PPP3CA: variants seen among roughly 807,000 people sequenced by gnomAD.
The protein encoded by PPP3CA is protein phosphatase 3 catalytic subunit alpha, also known as CAM-PRP catalytic subunit.
In PPP3CA, 14 loss-of-function variants were observed where a neutral mutation model predicts 66.5. The observed-to-expected ratio is 0.21, with a 90% CI of 0.14 to 0.33. The LOEUF is 0.33. Among genes scored for constraint, PPP3CA ranks in the 10% least tolerant of loss-of-function variants. PPP3CA has a pLI of 1.00. For missense variants in PPP3CA, 317 were observed against 639.5 expected (o/e 0.50, Z 5.44); for synonymous variants, 232 against 226.2 (o/e 1.03, Z -0.23).
chr4:101,289,774 C>A (rs1727960515), intron 1 of PPP3CA, among the ~76,000 whole-genome samples: 1 of 151,938 alleles, frequency 6.6e-6, no homozygotes, highest in Non-Finnish European at 1.5e-5. Flanking sequence ...CAAATATGAG[C>A]CTATGACTTC....
intron 1 of PPP3CA, among the ~76,000 whole-genome samples, chr4:101,256,307 C>T (rs796615651): frequency 6.6e-6 from 1 of 151,946 alleles, no homozygotes; most frequent in South Asian, 2.1e-4. Context: ...AGGATGTTGT[C>T]TTTTGGGTTA....
chr4:101,079,722 G>A (rs181035848), intron 8 of PPP3CA, among the ~76,000 whole-genome samples: 26 of 152,154 alleles, frequency 1.7e-4, no homozygotes, highest in Admixed American at 1.3e-3. Flanking sequence ...ATTTTATCAC[G>A]CATGTGACAC....
intron 1 of PPP3CA, among the ~76,000 whole-genome samples, chr4:101,205,586 C>G (rs1028677845): frequency 2.0e-5 from 3 of 152,000 alleles, no homozygotes; most frequent in African/African-American, 7.3e-5. Context: ...AAAATCTATT[C>G]CCACACATAA....
At chr4:101,292,931 A>G (rs1225292609) in intron 1 of PPP3CA, among the ~76,000 whole-genome samples, 3 of 152,226 alleles carry the variant, frequency 2.0e-5, no homozygotes, top group Admixed American at 6.5e-5. Context: ...ATTATTTTCT[A>G]TTTCCAAACC....
chr4:101,118,138 T>C (rs1721903471), intron 2 of PPP3CA, among the ~76,000 whole-genome samples: 1 of 151,902 alleles, frequency 6.6e-6, no homozygotes, highest in South Asian at 2.1e-4. Context: ...AATCTTAGTG[T>C]TTCTTAACAC....
intron 2 of PPP3CA, among the ~76,000 whole-genome samples, chr4:101,165,521 A>G (rs1234450239): frequency 1.3e-5 from 2 of 152,108 alleles, no homozygotes; most frequent in African/African-American, 4.8e-5. Context: ...CTCATTCTCA[A>G]CTTATACAAT....
intron 10 of PPP3CA, among the ~76,000 whole-genome samples, chr4:101,056,336 A>G (rs1226898692): frequency 6.6e-6 from 1 of 152,190 alleles, no homozygotes; most frequent in East Asian, 1.9e-4. Context: ...AAATTAAAGA[A>G]CTAAGCTTGA....
chr4:101,142,239 T>C (rs1339405888), intron 2 of PPP3CA, among the ~76,000 whole-genome samples: 7 of 152,210 alleles, frequency 4.6e-5, no homozygotes, highest in Admixed American at 4.6e-4. Context: ...ATTTTATAAA[T>C]ACTAAATTGG....
chr4:101,306,112 C>T (rs146308125), intron 1 of PPP3CA, among the ~76,000 whole-genome samples: 263 of 152,210 alleles, frequency 1.7e-3, no homozygotes, highest in African/African-American at 6.1e-3. Context: ...AATTCCTTAG[C>T]ACAAGAAAAT....
intron 1 of PPP3CA, among the ~76,000 whole-genome samples, chr4:101,272,111 T>C (rs1225193822): frequency 6.6e-6 from 1 of 152,188 alleles, no homozygotes; most frequent in Non-Finnish European, 1.5e-5. Flanking sequence ...TAGCTGATAA[T>C]ATGATTACAT....
chr4:101,154,885 C>T (rs766977647), intron 2 of PPP3CA, among the ~76,000 whole-genome samples: 1 of 133,644 alleles, frequency 7.5e-6, no homozygotes, highest in Non-Finnish European at 1.5e-5. Context: ...GGTGCAATCT[C>T]GGCTCACTGC....
intron 2 of PPP3CA, among the ~76,000 whole-genome samples, chr4:101,117,401 T>C (rs1306403145): frequency 6.6e-6 from 1 of 150,932 alleles, no homozygotes; most frequent in Admixed American, 6.7e-5. Flanking sequence ...GCAACCTATG[T>C]TTATGTTTTT....
intron 2 of PPP3CA, among the ~76,000 whole-genome samples, chr4:101,186,570 C>A (rs768660764): frequency 6.6e-6 from 1 of 152,032 alleles, no homozygotes; most frequent in Non-Finnish European, 1.5e-5. Context: ...CTCATATTTC[C>A]CATTTTTTAT....
chr4:101,260,788 T>C (rs1726987802), intron 1 of PPP3CA, among the ~76,000 whole-genome samples: 1 of 152,118 alleles, frequency 6.6e-6, no homozygotes, highest in Non-Finnish European at 1.5e-5. Flanking sequence ...TCAGGTAAAT[T>C]ATCCACATAA....
At chr4:101,045,054 G>A (rs113886228) in intron 10 of PPP3CA, among the ~76,000 whole-genome samples, 2,101 of 152,336 alleles carry the variant, frequency 0.014, 21 homozygotes, top group Non-Finnish European at 0.021. Flanking sequence ...CCACTGTGGA[G>A]CTACTACTGT....
intron 3 of PPP3CA, among the ~76,000 whole-genome samples, chr4:101,099,937 C>T (rs541618888): frequency 1.3e-4 from 19 of 151,762 alleles, no homozygotes; most frequent in Admixed American, 6.6e-4. Context: ...CATACATACA[C>T]GCACTGAGGA....
At chr4:101,029,068 A>G in intron 13 of PPP3CA, 98 bp downstream of exon 13, 1 of 1,152,980 alleles carries the variant, frequency 8.7e-7, no homozygotes. Context: ...TTAGCTCAAC[A>G]CCCACACACT....
At chr4:101,123,267 T>C (rs1722087348) in intron 2 of PPP3CA, among the ~76,000 whole-genome samples, 1 of 152,110 alleles carries the variant, frequency 6.6e-6, no homozygotes, top group Non-Finnish European at 1.5e-5. Context: ...CAATAAATAT[T>C]TGCTGAATGA....
In PPP3CA at chr4:101,128,403, T is replaced by C. The variant is rs536941397; in HGVS notation, c.260-19325A>G. 2.6e-3 allele frequency among the ~76,000 whole-genome samples: 396 copies of C among 152,164 alleles called. 2 individuals are homozygous for C. The highest frequency in any genetic ancestry group is 3.6e-3 in the Non-Finnish European group (244 of 68,014). On this transcript the variant is annotated intron_variant, in intron 2 of 13. Coordinates refer to ENST00000394854, the MANE Select transcript of PPP3CA (RefSeq NM_000944.5). ...TTGTACACCATGAATATGGACACAA[T>C]TATCATTTGTCAATTAAAATTTTTT...
Sources: gnomAD v4.1 joint callset for allele counts (sites outside exome capture counted in the v4.1 genomes callset) on GRCh38, gnomAD v4.1.1 for gene constraint, MANE v1.5 for transcripts, NCBI Gene and HGNC (gene_info 2026-07-23, HGNC 2026-07-21) for gene names.